The following ZNF423 variants were observed in gnomAD, a reference collection of about 807,000 sequenced individuals.
ZNF423 encodes the protein Ebf-associated zinc finger protein.
A neutral mutation model predicts 95.8 loss-of-function variants in ZNF423; 12 were observed. The observed-to-expected ratio is 0.13, with a 90% CI of 0.08 to 0.20. ZNF423 has a LOEUF of 0.20. Ranked by LOEUF, ZNF423 falls within the 10% of genes least tolerant of loss-of-function variation. The pLI, the probability that ZNF423 is intolerant of heterozygous loss-of-function variation, is 1.00. For synonymous variants in ZNF423, 749 were observed against 711.9 expected (o/e 1.05, Z -0.83); for missense variants, 1,316 against 1,737.1 (o/e 0.76, Z 4.31).
chr16:49,632,180 T>C (rs1972527759), intron 4 of ZNF423, among the ~76,000 whole-genome samples: 1 of 152,116 alleles, frequency 6.6e-6, no homozygotes, highest in African/African-American at 2.4e-5. Context: ...TCATTACCCA[T>C]AAACAGAGGG....
At chr16:49,729,509 T>G (rs1006843288) in intron 3 of ZNF423, among the ~76,000 whole-genome samples, 8 of 151,994 alleles carry the variant, frequency 5.3e-5, no homozygotes, top group African/African-American at 1.9e-4. Flanking sequence ...ATAGGTCCCT[T>G]CTAATTCTGA....
chr16:49,538,703 G>A lies in ZNF423; in HGVS notation c.3602-13209C>T, dbSNP rs571289285. Among the ~76,000 whole-genome samples, 9 of 152,330 alleles carry A rather than the reference G, an allele frequency of 5.9e-5. No homozygotes were observed. In the South Asian group the frequency reaches 1.9e-3, roughly 32 times the overall value. On this transcript the variant is annotated intron_variant, in intron 5 of 7. Transcript: ENST00000563137. ...CTCACAGGGCCTCACTCATTCCTGA[G>A]GGTTAGGGCTAGGGTTAGGTTACGG...
intron 2 of ZNF423, among the ~76,000 whole-genome samples, chr16:49,775,404 G>A (rs1224257111): frequency 6.6e-6 from 1 of 152,124 alleles, no homozygotes; most frequent in Non-Finnish European, 1.5e-5. Flanking sequence ...GACATAATTA[G>A]TCTCTTCAAC....
In ZNF423 at chr16:49,789,560, C is replaced by A; in HGVS notation, c.41-14G>T. Reference sequence around the variant, plus strand: ...CCCCCTCTTCAACTGAAAGAGAGAACAGAGATGGGCCTGTGAGTTTGAAGG... The same window carrying A: ...CCCCCTCTTCAACTGAAAGAGAGAAAAGAGATGGGCCTGTGAGTTTGAAGG... On this transcript the variant is annotated splice_polypyrimidine_tract_variant and intron_variant, in intron 1 of 7. Transcript: ENST00000563137. 1.2e-6 allele frequency: 2 copies of A among 1,610,458 alleles called. No homozygotes were observed. The highest frequency in any genetic ancestry group is 1.7e-6 in the Non-Finnish European group (2 of 1,179,024).
At chr16:49,570,694 G>A (rs1186162683) in intron 5 of ZNF423, among the ~76,000 whole-genome samples, 1 of 152,230 alleles carries the variant, frequency 6.6e-6, no homozygotes, top group Non-Finnish European at 1.5e-5. Flanking sequence ...TTTGGGGAGT[G>A]TATTGATTGA....
chr16:49,833,102 G>A (rs139970096), intron 1 of ZNF423, among the ~76,000 whole-genome samples: 125 of 152,342 alleles, frequency 8.2e-4, no homozygotes, highest in African/African-American at 2.8e-3. Context: ...AGCCTTACCA[G>A]GCCTGGCCCC....
chr16:49,611,101 T>C (rs1328569015), intron 5 of ZNF423, among the ~76,000 whole-genome samples: 1 of 152,018 alleles, frequency 6.6e-6, no homozygotes, highest in Non-Finnish European at 1.5e-5. Flanking sequence ...ATAGGACAAC[T>C]ACGCAGAAAA....
chr16:49,525,173 C>T (rs950432047), intron 6 of ZNF423, among the ~76,000 whole-genome samples, 190 bp downstream of exon 6: 4 of 152,166 alleles, frequency 2.6e-5, no homozygotes, highest in African/African-American at 9.7e-5. Context: ...AAGGAGGGCG[C>T]GTGTCAGCTC....
chr16:49,698,000 G>A (rs2032037440), intron 3 of ZNF423, among the ~76,000 whole-genome samples: 3 of 152,076 alleles, frequency 2.0e-5, no homozygotes, highest in African/African-American at 7.2e-5. Context: ...GCAGCATCTG[G>A]GGGTGCGTGT....
chr16:49,851,855 C>T (rs1452018006), intron 1 of ZNF423, among the ~76,000 whole-genome samples: 10 of 152,134 alleles, frequency 6.6e-5, no homozygotes, highest in Non-Finnish European at 1.5e-4. Flanking sequence ...ATGAAACAGG[C>T]CCTACCAAAG....
chr16:49,527,911 AGCACACACACGTGTGCAT>A (rs1425492256), intron 5 of ZNF423, among the ~76,000 whole-genome samples: 2 of 152,058 alleles, frequency 1.3e-5, no homozygotes, highest in Admixed American at 6.6e-5. Context: ...CCAGTTCATG[AGCACACACACGTGTGCAT>A]GCACACACAC....
Position 49,626,161 on chromosome 16 carries a change from C to G in ZNF423, c.3601+9G>C. On this transcript the variant is annotated intron_variant, in intron 5 of 7. Transcript: ENST00000563137. ...GCTCCAGCATGGCTGGGAGGAAATG[C>G]TCTCTTACCAATCATGTGGTTGGCA... The G allele has an allele frequency of 6.2e-7, 1 of 1,613,724 alleles. No homozygotes were observed. Among genetic ancestry groups the G allele is most frequent in the Non-Finnish European group, 8.5e-7 (1 of 1,179,698 alleles).
chr16:49,834,028 G>A (rs2035090366), intron 1 of ZNF423, among the ~76,000 whole-genome samples: 1 of 152,222 alleles, frequency 6.6e-6, no homozygotes, highest in Admixed American at 6.5e-5. Flanking sequence ...CAGGCTTGGG[G>A]ACCCAGCCAA....
intron 2 of ZNF423, among the ~76,000 whole-genome samples, chr16:49,737,363 A>G (rs1008784621): frequency 6.6e-6 from 1 of 151,866 alleles, no homozygotes; most frequent in Non-Finnish European, 1.5e-5. Flanking sequence ...TCTGTCTTCC[A>G]GGTTCAAGTG....
At chr16:49,739,201 A>C (rs2033359072) in intron 2 of ZNF423, among the ~76,000 whole-genome samples, 1 of 152,114 alleles carries the variant, frequency 6.6e-6, no homozygotes, top group African/African-American at 2.4e-5. Flanking sequence ...GATATATACA[A>C]AGCCAGATGC....
At chr16:49,651,949 C>T (rs909974948) in intron 3 of ZNF423, among the ~76,000 whole-genome samples, 5 of 152,160 alleles carry the variant, frequency 3.3e-5, no homozygotes, top group Non-Finnish European at 7.4e-5. Flanking sequence ...CTCAACCTGC[C>T]AAAATTCTCA....
Position 49,591,839 on chromosome 16 carries a change from G to GA in ZNF423, c.3601+34330dup, listed in dbSNP as rs201723951. 4.2e-3 allele frequency among the ~76,000 whole-genome samples: 634 copies of GA among 151,216 alleles called. 4 individuals carry two copies. Among genetic ancestry groups the GA allele is most frequent in the Non-Finnish European group, 7.2e-3 (486 of 67,744 alleles). ...AGGCAGTGATTCCATTTCTACACAGGAAAAAAAAACAGGCACCACTGTCTT... is the reference window on the plus strand; with the variant it reads ...AGGCAGTGATTCCATTTCTACACAGGAAAAAAAAAACAGGCACCACTGTCTT... On this transcript the variant is annotated intron_variant, in intron 5 of 7. Coordinates refer to ENST00000563137, the MANE Select transcript of ZNF423 (RefSeq NM_001379286.1).
At chr16:49,554,678 T>A (rs1408889862) in intron 5 of ZNF423, among the ~76,000 whole-genome samples, 2 of 151,888 alleles carry the variant, frequency 1.3e-5, no homozygotes, top group Non-Finnish European at 2.9e-5. Context: ...CTCTCTGATC[T>A]CCCTGAATTA....
intron 2 of ZNF423, among the ~76,000 whole-genome samples, chr16:49,763,742 C>T (rs1049026699): frequency 6.6e-6 from 1 of 152,148 alleles, no homozygotes; most frequent in Non-Finnish European, 1.5e-5. Context: ...TTTATTGCTG[C>T]GTTCATGCCT....
Sources: allele counts gnomAD v4.1 joint callset (sites outside exome capture counted in the v4.1 genomes callset), GRCh38; gene constraint gnomAD v4.1.1; transcripts MANE v1.5; gene names NCBI Gene and HGNC (gene_info 2026-07-23, HGNC 2026-07-21).